Variants in TMEM135 observed in about 807,000 individuals in gnomAD.
The protein encoded by TMEM135 is peroxisomal membrane protein 52.
A neutral mutation model predicts 60.3 loss-of-function variants in TMEM135; 30 were observed. The ratio of observed to expected loss-of-function variants is 0.50; its 90% CI spans 0.37 to 0.68. The LOEUF (loss-of-function observed/expected upper bound fraction) is 0.68, where lower values mean the gene tolerates loss of function less well. Among genes scored for constraint, TMEM135 ranks in the 30% least tolerant of loss-of-function variants. The pLI is 0.00. For missense variants in TMEM135, 468 were observed against 548.8 expected (o/e 0.85, Z 1.47); for synonymous variants, 190 against 186.7 (o/e 1.02, Z -0.14).
At position 87,327,146 on chromosome 11, in the gene TMEM135, C is replaced by T. The variant is rs767866390; in HGVS notation, c.*5813C>T. 9.0e-5 allele frequency: 41 copies of T among 453,774 alleles called. No individual in the cohort carries two copies. Among genetic ancestry groups the T allele is most frequent in the South Asian group, 4.8e-4 (31 of 64,466 alleles). The allele number at this position is 453,774 out of a possible 1,614,324, so 28.1% of individuals were successfully genotyped here. A position where few individuals can be genotyped will look rare whatever the true frequency, so the allele number is the denominator to read the frequency against. The stretch of plus-strand genomic sequence containing the variant: ...GATACTTTTCCAACCAGCCTTTACT[C>T]GGAGGTGTTCATGTGACCCTGTTTT... On this transcript the variant is annotated 3_prime_UTR_variant, in exon 15 of 15. Transcript: ENST00000305494.
At position 87,120,110 on chromosome 11, in the gene TMEM135, C is replaced by CTTTTTTTT. The variant is rs770897413; in HGVS notation, c.396+28717_396+28718insTTTTTTTT. Among the ~76,000 whole-genome samples the CTTTTTTTT allele has an allele frequency of 5.9e-4, 77 of 130,888 alleles. 3 individuals are homozygous for CTTTTTTTT. The highest frequency in any genetic ancestry group is 2.3e-3 in the East Asian group (9 of 3,926). 85.9% of individuals were successfully genotyped at this position (130,888 alleles called of 152,430 possible). ...GAACTTATTAGTCTGTTTTTTTCTT[C>CTTTTTTTT]TTCTTCTTTTTTTTTTTTTTTTGAG... On this transcript the variant is annotated intron_variant, in intron 4 of 14. Coordinates refer to ENST00000305494, the MANE Select transcript of TMEM135 (RefSeq NM_022918.4).
intron 5 of TMEM135, among the ~76,000 whole-genome samples, chr11:87,226,215 C>T (rs1388715964): frequency 6.6e-6 from 1 of 152,122 alleles, no homozygotes; most frequent in Non-Finnish European, 1.5e-5. Context: ...TTCCAATAAA[C>T]TGCATTTCCT....
At chr11:87,166,153 C>T (rs892697531) in intron 5 of TMEM135, among the ~76,000 whole-genome samples, 6 of 151,648 alleles carry the variant, frequency 4.0e-5, no homozygotes, top group Admixed American at 6.6e-5. Context: ...GTCCTTTGGC[C>T]ACTTTTTGAT....
At chr11:87,231,728 A>G (rs1940892342) in intron 5 of TMEM135, among the ~76,000 whole-genome samples, 1 of 152,180 alleles carries the variant, frequency 6.6e-6, no homozygotes, top group African/African-American at 2.4e-5. Context: ...CAAAGACATT[A>G]AAAAGAGTTA....
Position 87,067,839 on chromosome 11 carries a change from C to G in TMEM135, c.269+18C>G, listed in dbSNP as rs1386919282. The G allele has an allele frequency of 1.2e-6, 2 of 1,612,588 alleles. No individual in the cohort carries two copies. Among genetic ancestry groups the G allele is most frequent in the East Asian group, 4.5e-5 (2 of 44,744 alleles). Reference sequence around the variant, plus strand: ...ATTTTAAGGTTGGTACTCATAATCACCATAGATACTAATATAGGTTCTTCT... The same window carrying G: ...ATTTTAAGGTTGGTACTCATAATCAGCATAGATACTAATATAGGTTCTTCT... On this transcript the variant is annotated intron_variant, in intron 2 of 14. Transcript: ENST00000305494.
At chr11:87,202,730 TAAAAAA>T (rs201573717) in intron 5 of TMEM135, among the ~76,000 whole-genome samples, 1 of 134,412 alleles carries the variant, frequency 7.4e-6, no homozygotes, top group African/African-American at 2.8e-5. Context: ...TAAAAGACTT[TAAAAAA>T]AAAAAAAAAA....
At chr11:87,088,653 A>G (rs1224656528) in intron 3 of TMEM135, among the ~76,000 whole-genome samples, 2 of 152,206 alleles carry the variant, frequency 1.3e-5, no homozygotes, top group South Asian at 2.1e-4. Context: ...ATATTCATGA[A>G]CATTTCAGCT....
chr11:87,163,515 T>C (rs1327580707), intron 5 of TMEM135, among the ~76,000 whole-genome samples: 1 of 151,964 alleles, frequency 6.6e-6, no homozygotes, highest in African/African-American at 2.4e-5. Flanking sequence ...CATGTGTCTT[T>C]ATAGCAGCAT....
intron 4 of TMEM135, among the ~76,000 whole-genome samples, chr11:87,124,761 C>T (rs1445229013): frequency 6.6e-6 from 1 of 151,948 alleles, no homozygotes; most frequent in Non-Finnish European, 1.5e-5. Flanking sequence ...TAGTAATTTT[C>T]CTTCCTTTCT....
chr11:87,296,938 G>A (rs891553648), intron 7 of TMEM135, among the ~76,000 whole-genome samples: 11 of 152,058 alleles, frequency 7.2e-5, no homozygotes, highest in Admixed American at 7.2e-4. Flanking sequence ...ATGTAGAGTA[G>A]GGCCAGATTA....
At chr11:87,144,202 T>TA (rs1172359396) in intron 4 of TMEM135, among the ~76,000 whole-genome samples, 17 of 151,908 alleles carry the variant, frequency 1.1e-4, no homozygotes, top group South Asian at 2.1e-4. Flanking sequence ...TATTGCTTAT[T>TA]AAAAAAAACA....
intron 6 of TMEM135, among the ~76,000 whole-genome samples, chr11:87,238,690 CATT>C (rs1332066568): frequency 6.6e-6 from 1 of 152,028 alleles, no homozygotes; most frequent in Non-Finnish European, 1.5e-5. Context: ...TATTCAGACA[CATT>C]ATTAAGACAA....
At position 87,172,293 on chromosome 11, in the gene TMEM135, G is replaced by A. The variant is rs562715367; in HGVS notation, c.462+14887G>A. ...TCTTTCTTCTTTGAACTCAAGGAAG[G>A]TACACTCTGTATGAGACAAAACAGG... On this transcript the variant is annotated intron_variant, in intron 5 of 14. Coordinates refer to ENST00000305494, the MANE Select transcript of TMEM135 (RefSeq NM_022918.4). Among the ~76,000 whole-genome samples the A allele has an allele frequency of 1.8e-3, 272 of 152,116 alleles. 1 individual carries two copies. The highest frequency in any genetic ancestry group is 3.2e-3 in the Non-Finnish European group (219 of 68,014).
intron 2 of TMEM135, among the ~76,000 whole-genome samples, chr11:87,071,245 T>C (rs1710373416): frequency 6.6e-6 from 1 of 152,146 alleles, no homozygotes; most frequent in African/African-American, 2.4e-5. Flanking sequence ...AAGGGAATAA[T>C]TTAATATGTG....
intron 13 of TMEM135, 53 bp from the exon 14 acceptor site, chr11:87,319,257 A>G (rs1455986003): frequency 4.3e-6 from 6 of 1,390,740 alleles, no homozygotes; most frequent in Non-Finnish European, 4.1e-6. Flanking sequence ...GTATTTCATC[A>G]CTTTCAGTTT....
intron 4 of TMEM135, among the ~76,000 whole-genome samples, chr11:87,149,335 C>G (rs926588784): frequency 2.0e-5 from 3 of 152,076 alleles, no homozygotes; most frequent in African/African-American, 7.2e-5. Flanking sequence ...CTTATGTGTT[C>G]CTATACTCTC....
At chr11:87,303,879 T>C (rs1942489695) in intron 8 of TMEM135, among the ~76,000 whole-genome samples, 1 of 152,132 alleles carries the variant, frequency 6.6e-6, no homozygotes, top group Non-Finnish European at 1.5e-5. Context: ...GCCTTGGGCG[T>C]CAGAACTGAT....
intron 5 of TMEM135, among the ~76,000 whole-genome samples, chr11:87,162,804 C>G (rs1938921630): frequency 6.6e-6 from 1 of 152,118 alleles, no homozygotes; most frequent in South Asian, 2.1e-4. Context: ...ACACTGTCTT[C>G]CACAATGGTT....
intron 4 of TMEM135, among the ~76,000 whole-genome samples, chr11:87,120,000 T>C (rs752699619): frequency 5.9e-5 from 9 of 152,166 alleles, no homozygotes; most frequent in Non-Finnish European, 1.3e-4. Context: ...AAATATTCAT[T>C]TGAAAATGCT....
Sources: allele counts gnomAD v4.1 joint callset (sites outside exome capture counted in the v4.1 genomes callset), GRCh38; gene constraint gnomAD v4.1.1; transcripts MANE v1.5; gene names NCBI Gene and HGNC (gene_info 2026-07-23, HGNC 2026-07-21).